NRG3: variants seen among roughly 807,000 people sequenced by gnomAD.
The protein encoded by NRG3 is pro-neuregulin-3, membrane-bound isoform.
NRG3 carries 31 observed loss-of-function variants against 66.9 expected under a neutral mutation model. The observed-to-expected ratio is 0.46, with a 90% CI of 0.35 to 0.63. The LOEUF (loss-of-function observed/expected upper bound fraction) is 0.63. Ranked by LOEUF, NRG3 falls within the 20% of genes least tolerant of loss-of-function variation. NRG3 has a pLI of 0.00. For synonymous variants in NRG3, 393 were observed against 359.4 expected, an observed-to-expected ratio of 1.09 and a Z score of -1.06; for missense variants, 910 against 878.9, an observed-to-expected ratio of 1.04 and a Z score of -0.45.
chr10:82,017,746 A>C (rs552999200), intron 1 of NRG3, among the ~76,000 whole-genome samples: 161 of 152,284 alleles, frequency 1.1e-3, no homozygotes, highest in Admixed American at 2.4e-3. Flanking sequence ...TCTTTTGAGA[A>C]GTGTCTGTTC....
intron 1 of NRG3, among the ~76,000 whole-genome samples, chr10:82,280,158 CT>C (rs1180162282): frequency 1.3e-5 from 2 of 150,302 alleles, no homozygotes; most frequent in South Asian, 2.1e-4. Flanking sequence ...TCTCTTCCCC[CT>C]ATCCAATCAA....
intron 4 of NRG3, among the ~76,000 whole-genome samples, chr10:82,912,244 G>T (rs1488498454): frequency 6.6e-6 from 1 of 152,136 alleles, no homozygotes; most frequent in Non-Finnish European, 1.5e-5. Context: ...CTGGATAGAA[G>T]GGTTCAAGTC....
intron 4 of NRG3, among the ~76,000 whole-genome samples, chr10:82,888,912 C>G (rs1842927390): frequency 6.6e-6 from 1 of 151,944 alleles, no homozygotes; most frequent in Non-Finnish European, 1.5e-5. Context: ...GAAAACTTTC[C>G]AGGCATAGGA....
intron 1 of NRG3, among the ~76,000 whole-genome samples, chr10:81,924,871 T>A (rs1589475690): frequency 6.6e-6 from 1 of 152,142 alleles, no homozygotes; most frequent in Admixed American, 6.5e-5. Context: ...CTGTAGTTCT[T>A]GTGTGTGTTT....
chr10:82,921,223 G>C (rs1023340434), intron 4 of NRG3, among the ~76,000 whole-genome samples: 1 of 152,096 alleles, frequency 6.6e-6, no homozygotes, highest in Non-Finnish European at 1.5e-5. Context: ...CTAGTCATGA[G>C]AAAATCATCA....
intron 3 of NRG3, among the ~76,000 whole-genome samples, chr10:82,799,030 A>G (rs1300946514): frequency 6.6e-6 from 1 of 152,220 alleles, no homozygotes. Context: ...ATTCAATGAT[A>G]TAGAAGAGGA....
At chr10:82,306,097 T>G (rs1243568486) in intron 1 of NRG3, among the ~76,000 whole-genome samples, 1 of 152,246 alleles carries the variant, frequency 6.6e-6, no homozygotes, top group Non-Finnish European at 1.5e-5. Flanking sequence ...TCAGTTGAGA[T>G]GATTACCTAA....
chr10:82,303,633 G>T (rs1215801622), intron 1 of NRG3, among the ~76,000 whole-genome samples: 1 of 152,122 alleles, frequency 6.6e-6, no homozygotes, highest in Non-Finnish European at 1.5e-5. Context: ...ACTTTGGGAG[G>T]CCGAGGTGGG....
chr10:82,896,360 A>C (rs1161878214), intron 4 of NRG3, among the ~76,000 whole-genome samples: 1 of 152,222 alleles, frequency 6.6e-6, no homozygotes, highest in Non-Finnish European at 1.5e-5. Flanking sequence ...AGCCTGTCTG[A>C]TTTTATAGCT....
At chr10:82,616,733 C>T (rs1249860204) in intron 2 of NRG3, among the ~76,000 whole-genome samples, 1 of 152,138 alleles carries the variant, frequency 6.6e-6, no homozygotes, top group Admixed American at 6.6e-5. Flanking sequence ...CATATCTTTC[C>T]TGAACTGTTT....
chr10:81,999,222 T>C (rs916386078), intron 1 of NRG3, among the ~76,000 whole-genome samples: 5 of 152,240 alleles, frequency 3.3e-5, no homozygotes, highest in Non-Finnish European at 5.9e-5. Flanking sequence ...CTTTATTTTA[T>C]TTTTTAAAAC....
chr10:82,370,975 C>A (rs1350106252), intron 2 of NRG3, among the ~76,000 whole-genome samples: 2 of 150,970 alleles, frequency 1.3e-5, no homozygotes, highest in Non-Finnish European at 2.9e-5. Flanking sequence ...CACACACACA[C>A]ATTCACACAC....
chr10:82,463,381 C>T (rs554696567), intron 2 of NRG3, among the ~76,000 whole-genome samples: 8 of 152,280 alleles, frequency 5.3e-5, no homozygotes, highest in Admixed American at 3.9e-4. Context: ...CTCTCTCTCT[C>T]TCTGTCTTCT....
At chr10:81,991,435 T>C (rs1474663288) in intron 1 of NRG3, among the ~76,000 whole-genome samples, 2 of 152,170 alleles carry the variant, frequency 1.3e-5, no homozygotes, top group East Asian at 3.9e-4. Flanking sequence ...CTGGTGGTTT[T>C]ACAGGGTACA....
At chr10:82,602,622 C>A (rs1020125355) in intron 2 of NRG3, among the ~76,000 whole-genome samples, 2 of 151,992 alleles carry the variant, frequency 1.3e-5, no homozygotes, top group African/African-American at 4.8e-5. Flanking sequence ...GTATGAAATA[C>A]AAAATCTATG....
At chr10:82,926,244 A>G (rs191195000) in intron 4 of NRG3, among the ~76,000 whole-genome samples, 28 of 152,354 alleles carry the variant, frequency 1.8e-4, no homozygotes, top group African/African-American at 6.5e-4. Flanking sequence ...TTCAGGAATG[A>G]TTGAAAGTAT....
intron 1 of NRG3, among the ~76,000 whole-genome samples, chr10:82,083,106 G>C (rs1388135358): frequency 6.6e-6 from 1 of 151,728 alleles, no homozygotes; most frequent in Non-Finnish European, 1.5e-5. Flanking sequence ...ATACCTGGCT[G>C]ATTATGAAAC....
intron 2 of NRG3, among the ~76,000 whole-genome samples, chr10:82,399,011 C>G (rs2136034910): frequency 6.6e-6 from 1 of 152,304 alleles, no homozygotes; most frequent in Admixed American, 6.5e-5. Context: ...ACAACTTCTA[C>G]AATTTCTGAG....
intron 1 of NRG3, among the ~76,000 whole-genome samples, chr10:81,898,263 G>T (rs543356389): frequency 1.3e-5 from 2 of 152,332 alleles, no homozygotes; most frequent in South Asian, 4.1e-4. Context: ...CAAGACCCCT[G>T]CCAGCAAGAG....
Sources: gnomAD v4.1 joint callset for allele counts (sites outside exome capture counted in the v4.1 genomes callset) on GRCh38, gnomAD v4.1.1 for gene constraint, MANE v1.5 for transcripts, NCBI Gene and HGNC (gene_info 2026-07-23, HGNC 2026-07-21) for gene names.